The following PCDHGA3 variants were observed in gnomAD, a reference collection of about 807,000 sequenced individuals.
The protein encoded by PCDHGA3 is protocadherin gamma-A3.
PCDHGA3 carries 40 observed loss-of-function variants against 58.5 expected under a neutral mutation model. That is an observed-to-expected ratio of 0.68 (90% confidence interval 0.53 to 0.89). PCDHGA3 has a LOEUF of 0.89. Ranked by LOEUF, PCDHGA3 falls within the 40% of genes least tolerant of loss-of-function variation. PCDHGA3 has a pLI of 0.00. For missense variants in PCDHGA3, 1,223 were observed against 1,195.9 expected, an observed-to-expected ratio of 1.02 and a Z score of -0.33; for synonymous variants, 530 against 525.7, an observed-to-expected ratio of 1.01 and a Z score of -0.11.
rs70988800 is a variant in PCDHGA3 at position 141,379,889 on chromosome 5, C to CTTTTTTTTTTTTTTTT, written c.2424+33447_2424+33462dup. 2.0e-3 allele frequency among the ~76,000 whole-genome samples: 102 copies of CTTTTTTTTTTTTTTTT among 50,818 alleles called. 16 individuals carry two copies. The highest frequency in any genetic ancestry group is 2.6e-3 in the Non-Finnish European group (66 of 25,878). The allele number at this position is 50,818 out of a possible 152,430, so 33.3% of individuals were successfully genotyped here. On this transcript the variant is annotated intron_variant, in intron 1 of 3. Transcript: ENST00000253812. Reference sequence around the variant, plus strand: ...CTTATTTTATGGTCTGTGAAAGCCTCTTTTTTTTTTTTTTTTTTTTTTTTT... The same window carrying CTTTTTTTTTTTTTTTT: ...CTTATTTTATGGTCTGTGAAAGCCTCTTTTTTTTTTTTTTTTTTTTTTTTTTTTTTTTTTTTTTTTT...
At chr5:141,424,078 T>C in intron 1 of PCDHGA3, 1 of 975,828 alleles carries the variant, frequency 1.0e-6, no homozygotes, top group South Asian at 4.8e-5. Context: ...GTAGTTATAT[T>C]CCACCATTAT....
chr5:141,413,140 A>T (rs2095607783), intron 1 of PCDHGA3: 1 of 1,563,150 alleles, frequency 6.4e-7, no homozygotes, highest in Non-Finnish European at 8.7e-7. Flanking sequence ...CAACGTGTCC[A>T]GTGAGGACTT....
rs1404447940 is a variant in PCDHGA3 at position 141,428,036 on chromosome 5, C to T, written c.2425-66771C>T. On this transcript the variant is annotated intron_variant, in intron 1 of 3. Transcript: ENST00000253812. ...TGCCACGCGCCGCAGAGTCCGGCTA[C>T]CTGGTGACCAAGGTGGTGGCGGTGG... The T allele has an allele frequency of 3.7e-6, 6 of 1,608,246 alleles. No homozygotes were observed. The African/African-American group carries it at 4.0e-5, about 11-fold the overall frequency.
Position 141,414,386 on chromosome 5 carries a change from G to A in PCDHGA3, c.2424+67929G>A, listed in dbSNP as rs746637010. On this transcript the variant is annotated intron_variant, in intron 1 of 3. Transcript: ENST00000253812. ...TTTAAATTAGAAAAGTCCATTGACA[G>A]TTATTACAGATTGGTGATACACAGA... is the stretch of plus-strand genomic sequence containing the variant. The A allele has an allele frequency of 1.9e-6, 3 of 1,613,906 alleles. No homozygotes were observed. The Admixed American group carries it at 5.0e-5, about 27-fold the overall frequency.
chr5:141,370,840 G>C, intron 1 of PCDHGA3: 2 of 1,614,022 alleles, frequency 1.2e-6, no homozygotes, highest in Non-Finnish European at 1.7e-6. Flanking sequence ...GCTCTCACTG[G>C]AGCCACATTT....
intron 1 of PCDHGA3, chr5:141,415,325 C>G: frequency 6.2e-7 from 1 of 1,614,212 alleles, no homozygotes; most frequent in Non-Finnish European, 8.5e-7. Flanking sequence ...GTGCTGCTGG[C>G]GCACAGGCTG....
intron 1 of PCDHGA3, chr5:141,419,027 GTTCCAT>G: frequency 6.2e-7 from 1 of 1,613,870 alleles, no homozygotes; most frequent in Non-Finnish European, 8.5e-7. Context: ...AAGTAGAGGT[GTTCCAT>G]TTAAGATTCA....
At chr5:141,447,136 TTTTTTG>T (rs1304915683) in intron 1 of PCDHGA3, among the ~76,000 whole-genome samples, 4 of 152,090 alleles carry the variant, frequency 2.6e-5, no homozygotes, top group Admixed American at 6.6e-5. Context: ...TGTTTGTTTG[TTTTTTG>T]TTTTTGTTTT....
At position 141,490,908 on chromosome 5, in the gene PCDHGA3, C is replaced by G; in HGVS notation, c.2425-3899C>G. On this transcript the variant is annotated intron_variant, in intron 1 of 3. Transcript: ENST00000253812. This position sits in a 1 kb window ranked among gnomAD's most constrained non-coding sequence, Gnocchi z 5.4. ...CATCTCTGCATGTGTTTGTCCTAGA[C>G]GAGAATGATAATGCCCCAGCTGTGC... The G allele has an allele frequency of 6.2e-7, 1 of 1,613,710 alleles. No individual in the cohort carries two copies. Among genetic ancestry groups the G allele is most frequent in the Non-Finnish European group, 8.5e-7 (1 of 1,179,754 alleles).
intron 1 of PCDHGA3, among the ~76,000 whole-genome samples, chr5:141,406,791 C>T (rs893207613): frequency 2.0e-5 from 3 of 152,182 alleles, no homozygotes; most frequent in Non-Finnish European, 4.4e-5. Context: ...TATATTATTT[C>T]TGGCTCAATT....
intron 1 of PCDHGA3, chr5:141,405,288 T>C: frequency 6.2e-7 from 1 of 1,614,110 alleles, no homozygotes; most frequent in African/African-American, 1.3e-5. Context: ...GCAGACACAC[T>C]CATCAGCCAG....
At chr5:141,423,303 G>C (rs779246046) in intron 1 of PCDHGA3, 2 of 1,614,172 alleles carry the variant, frequency 1.2e-6, no homozygotes, top group Non-Finnish European at 1.7e-6. Flanking sequence ...ACCTCTCGCT[G>C]TACTTGGTGG....
intron 1 of PCDHGA3, among the ~76,000 whole-genome samples, chr5:141,456,206 T>C (rs966457070): frequency 6.6e-6 from 1 of 152,098 alleles, no homozygotes; most frequent in African/African-American, 2.4e-5. Context: ...ACCACATTCC[T>C]CCCTGTGGCG....
chr5:141,401,564 C>A (rs2094168610), intron 1 of PCDHGA3, among the ~76,000 whole-genome samples: 1 of 152,204 alleles, frequency 6.6e-6, no homozygotes, highest in African/African-American at 2.4e-5. Flanking sequence ...GCCTGAATTT[C>A]TCTTGCTCGG....
At chr5:141,494,564 G>A (rs2099755274) in intron 1 of PCDHGA3, among the ~76,000 whole-genome samples, 1 of 152,138 alleles carries the variant, frequency 6.6e-6, no homozygotes, top group Non-Finnish European at 1.5e-5. Context: ...TTTAGGAAAG[G>A]AGTCTCAGCT....
intron 1 of PCDHGA3, among the ~76,000 whole-genome samples, chr5:141,448,948 A>C (rs918513864): frequency 6.6e-6 from 1 of 152,170 alleles, no homozygotes; most frequent in African/African-American, 2.4e-5. Flanking sequence ...GCAACTCAAA[A>C]AAACAAACAA....
In PCDHGA3 at chr5:141,512,739, T is replaced by C. The variant is rs1251649814; in HGVS notation, c.*1566T>C. The stretch of plus-strand genomic sequence containing the variant: ...GGCGGGTGGGCAGCGGGCGGCGGGC[T>C]CCGCGCAGCCGTCTGTCCTTGATCT... On this transcript the variant is annotated 3_prime_UTR_variant, in exon 4 of 4. Transcript: ENST00000253812. 1 of 152,822 alleles carries C rather than the reference T, an allele frequency of 6.5e-6. No individual in the cohort carries two copies. The highest frequency in any genetic ancestry group is 2.4e-5 in the African/African-American group (1 of 41,464). 9.5% of individuals were successfully genotyped at this position (152,822 alleles called of 1,614,324 possible).
chr5:141,453,796 T>C (rs1592274016), intron 1 of PCDHGA3, among the ~76,000 whole-genome samples: 1 of 152,242 alleles, frequency 6.6e-6, no homozygotes, highest in East Asian at 1.9e-4. Context: ...ATATTAACTT[T>C]GAGTAGTTCC....
intron 1 of PCDHGA3, chr5:141,419,926 G>T: frequency 6.2e-7 from 1 of 1,614,096 alleles, no homozygotes; most frequent in South Asian, 1.1e-5. Flanking sequence ...CTGAGATGCA[G>T]TTTTACCTGG....
Sources: gnomAD v4.1 joint callset for allele counts (sites outside exome capture counted in the v4.1 genomes callset) on GRCh38, gnomAD v4.1.1 for gene constraint, Gnocchi (gnomAD v3.1) non-coding constraint, MANE v1.5 for transcripts, NCBI Gene and HGNC (gene_info 2026-07-23, HGNC 2026-07-21) for gene names.